Variants in CCDC70 observed in about 807,000 individuals in gnomAD.
CCDC70 encodes coiled-coil domain-containing protein 70.
CCDC70 carries 4 observed loss-of-function variants against 9.1 expected under a neutral mutation model. The ratio of observed to expected loss-of-function variants is 0.44; its 90% CI spans 0.22 to 1.00. CCDC70 has a LOEUF of 1.00. Ranked by LOEUF, CCDC70 falls within the 50% of genes least tolerant of loss-of-function variation. The pLI, the probability that CCDC70 is intolerant of heterozygous loss-of-function variation, is 0.25. For synonymous variants in CCDC70, 119 were observed against 94.0 expected (o/e 1.27, Z -1.54); for missense variants, 308 against 271.3 (o/e 1.14, Z -0.95).
In CCDC70 at chr13:51,865,548, T is replaced by A. The variant is rs763817679; in HGVS notation, c.137T>A (p.Ile46Asn). The change falls in exon 2 of 2, where the codon ATT (isoleucine) becomes AAT (asparagine). Residue 46 changes from isoleucine to asparagine, a missense_variant. By Grantham distance (149) the Ile-to-Asn change is moderately radical (BLOSUM62 -3). Coordinates refer to ENST00000242819, the MANE Select transcript of CCDC70 (RefSeq NM_031290.4). ...EEKAFREEMK[I>N]FREKIEDFRE... ...AAGGCTTTTCGCGAAGAGATGAAAA[T>A]TTTTCGTGAAAAAATAGAGGACTTC... The A allele has an allele frequency of 3.1e-6, 5 of 1,614,022 alleles. 1 individual carries two copies. The South Asian group carries it at 5.5e-5, about 18-fold the overall frequency.
chr13:51,864,880 C>T (rs1345422565), intron 1 of CCDC70, among the ~76,000 whole-genome samples: 1 of 152,196 alleles, frequency 6.6e-6, no homozygotes, highest in Non-Finnish European at 1.5e-5. Context: ...AATACACTCT[C>T]CTCCTCCCCT....
At position 51,864,858 on chromosome 13, in the gene CCDC70, C is replaced by T. The variant is rs116174247; in HGVS notation, c.-80-474C>T. On this transcript the variant is annotated intron_variant, in intron 1 of 1. Coordinates refer to ENST00000242819, the MANE Select transcript of CCDC70 (RefSeq NM_031290.4). ...TTTAAACCACTTTTCCCAAAATAAA[C>T]TCCTCTCCTAAAATACACTCTCCTC... Among the ~76,000 whole-genome samples, 998 of 152,252 alleles carry T rather than the reference C, an allele frequency of 6.6e-3. 10 individuals carry two copies. The highest frequency in any genetic ancestry group is 0.022 in the African/African-American group (928 of 41,540).
At position 51,865,779 on chromosome 13, in the gene CCDC70, C is replaced by T. The variant is rs750119943; in HGVS notation, c.368C>T (p.Ala123Val). 2 of 1,614,012 alleles carry T rather than the reference C, an allele frequency of 1.2e-6. No individual in the cohort carries two copies. Among genetic ancestry groups the T allele is most frequent in the African/African-American group, 2.7e-5 (2 of 74,890 alleles). The change falls in exon 2 of 2, where the codon GCC (alanine) becomes GTC (valine). Residue 123 changes from alanine (A) to valine (V), a missense_variant. Coordinates refer to ENST00000242819, the MANE Select transcript of CCDC70 (RefSeq NM_031290.4). ...CGCACTTTCTGGAAGGAGGATAAGGCCTTCTGGAAAGAGGACAATGCCTTA... is the reference window on the plus strand; with the variant it reads ...CGCACTTTCTGGAAGGAGGATAAGGTCTTCTGGAAAGAGGACAATGCCTTA... ...KYRTFWKEDKAFWKEDNALWE... is the reference protein window; with the variant it reads ...KYRTFWKEDKVFWKEDNALWE...
Position 51,865,751 on chromosome 13 carries a change from T to C in CCDC70, c.340T>C (p.Tyr114His). 1 of 1,614,028 alleles carries C rather than the reference T, an allele frequency of 6.2e-7. No individual in the cohort carries two copies. Among genetic ancestry groups the C allele is most frequent in the East Asian group, 2.2e-5 (1 of 44,876 alleles). ...GGAAGAGAAAACTTTCTGGAAAAAG[T>C]ACCGCACTTTCTGGAAGGAGGATAA... ...REEEKTFWKK[Y>H]RTFWKEDKAF... Residue 114 changes from tyrosine to histidine, a missense_variant, in exon 2 of 2, where the codon TAC becomes CAC. By Grantham distance (83) the Tyr-to-His change is moderately conservative (BLOSUM62 2). Transcript: ENST00000242819.
intron 1 of CCDC70, among the ~76,000 whole-genome samples, chr13:51,863,072 AC>A (rs1262660383): frequency 4.6e-5 from 7 of 152,222 alleles, no homozygotes; most frequent in Admixed American, 4.6e-4. Context: ...GAAAGGATGT[AC>A]AGGAATTCAA....
At chr13:51,864,252 C>T (rs573715648) in intron 1 of CCDC70, among the ~76,000 whole-genome samples, 53 of 152,100 alleles carry the variant, frequency 3.5e-4, no homozygotes, top group African/African-American at 1.3e-3. Flanking sequence ...ACACATGAAA[C>T]CGCCACCAAG....
At chr13:51,862,756 G>A (rs1406015228) in intron 1 of CCDC70, among the ~76,000 whole-genome samples, 1 of 152,180 alleles carries the variant, frequency 6.6e-6, no homozygotes, top group African/African-American at 2.4e-5. Context: ...GAGGGGGCCA[G>A]CATGACATGG....
In CCDC70 at chr13:51,865,843, C is replaced by T; in HGVS notation, c.432C>T (p.Ala144=). 2 of 1,613,894 alleles carry T rather than the reference C, an allele frequency of 1.2e-6. No homozygotes were observed. Among genetic ancestry groups the T allele is most frequent in the Non-Finnish European group, 1.7e-6 (2 of 1,179,976 alleles). Reference sequence around the variant, plus strand: ...GGAACCTTCTTCAGGAGGACAAGGCCCTGTGGGAGGAAGAAAAGGCCCTGT... The same window carrying T: ...GGAACCTTCTTCAGGAGGACAAGGCTCTGTGGGAGGAAGAAAAGGCCCTGT... ...RDRNLLQEDK[A]LWEEEKALWV... The change falls in exon 2 of 2, where the codon GCC becomes GCT. Residue 144 remains alanine (A), a synonymous_variant. Transcript: ENST00000242819.
intron 1 of CCDC70, among the ~76,000 whole-genome samples, chr13:51,863,616 G>A (rs1956396949): frequency 6.6e-6 from 1 of 151,834 alleles, no homozygotes. Context: ...GATGGATGGT[G>A]ATGCCACCAG....
rs756394890 is a variant in CCDC70 at position 51,865,602 on chromosome 13, AG to A, written c.192del (p.Ile65SerfsTer90). The A allele has an allele frequency of 1.9e-6, 3 of 1,614,142 alleles. No individual in the cohort carries two copies. In the Admixed American group the frequency reaches 5.0e-5, roughly 27 times the overall value. ...GAAGAGATGTGGACTTTCCGAGGCA[AG>A]ATCCATGCTTTCCGGGGCCAGATCC... ...FREEMWTFRG[K>X]IHAFRGQILG... On this transcript the variant is annotated frameshift_variant, in exon 2 of 2. Coordinates refer to ENST00000242819, the MANE Select transcript of CCDC70 (RefSeq NM_031290.4). LOFTEE classifies it high-confidence loss of function.
Position 51,866,034 on chromosome 13 carries a change from C to G in CCDC70, c.623C>G (p.Ala208Gly), listed in dbSNP as rs956851394. The change falls in exon 2 of 2, where the codon GCC becomes GGC. Residue 208 changes from alanine (A) to glycine (G), a missense_variant. Coordinates refer to ENST00000242819, the MANE Select transcript of CCDC70 (RefSeq NM_031290.4). ...EQMLEDGPHN[A>G]NRGQRLLAFS... ...ATGCTCGAAGATGGGCCCCACAACG[C>G]CAACAGAGGGCAGCGCTTGCTGGCC... is the stretch of plus-strand genomic sequence containing the variant. The G allele has an allele frequency of 6.2e-7, 1 of 1,605,864 alleles. No individual in the cohort carries two copies. The highest frequency in any genetic ancestry group is 8.5e-7 in the Non-Finnish European group (1 of 1,176,884).
chr13:51,863,011 G>A (rs1005583018), intron 1 of CCDC70, among the ~76,000 whole-genome samples: 11 of 152,202 alleles, frequency 7.2e-5, no homozygotes, highest in African/African-American at 9.7e-5. Flanking sequence ...AGACAGTATC[G>A]CAGAGGTGGC....
At chr13:51,864,665 T>C (rs61957394) in intron 1 of CCDC70, among the ~76,000 whole-genome samples, 32 of 152,230 alleles carry the variant, frequency 2.1e-4, no homozygotes, top group Admixed American at 1.0e-3. Flanking sequence ...AACACACTTG[T>C]ACATGTATCC....
chr13:51,863,107 C>T (rs771449583), intron 1 of CCDC70, among the ~76,000 whole-genome samples: 2 of 152,232 alleles, frequency 1.3e-5, no homozygotes, highest in Non-Finnish European at 2.9e-5. Flanking sequence ...ACAAAAGGGG[C>T]TCTCAGTAGA....
At chr13:51,863,709 A>ACACACACC (rs35373499) in intron 1 of CCDC70, among the ~76,000 whole-genome samples, 9 of 64,866 alleles carry the variant, frequency 1.4e-4, no homozygotes, top group African/African-American at 4.3e-4. Flanking sequence ...ACACACACAC[A>ACACACACC]CCAGCTATGT....
Position 51,865,933 on chromosome 13 carries a change from G to C in CCDC70, c.522G>C (p.Trp174Cys). 6.2e-7 allele frequency: 1 copy of C among 1,614,050 alleles called. No homozygotes were observed. The highest frequency in any genetic ancestry group is 8.5e-7 in the Non-Finnish European group (1 of 1,180,010). Residue 174 changes from tryptophan (W) to cysteine (C), a missense_variant, in exon 2 of 2, where the codon TGG becomes TGC. Physicochemically the swap from Trp to Cys is radical, Grantham distance 215. Transcript: ENST00000242819. ...KALWEDKTSL[W>C]EEENALWEEE... is the part of the protein sequence containing the mutation. ...TGTGGGAAGATAAAACGTCCCTCTGGGAGGAAGAGAATGCCCTCTGGGAGG... is the reference window on the plus strand; with the variant it reads ...TGTGGGAAGATAAAACGTCCCTCTGCGAGGAAGAGAATGCCCTCTGGGAGG...
At position 51,865,765 on chromosome 13, in the gene CCDC70, G is replaced by A; in HGVS notation, c.354G>A (p.Trp118Ter). 6.2e-7 allele frequency: 1 copy of A among 1,614,182 alleles called. No individual in the cohort carries two copies. Among genetic ancestry groups the A allele is most frequent in the Non-Finnish European group, 8.5e-7 (1 of 1,180,028 alleles). The change falls in exon 2 of 2, where the codon TGG becomes TGA. Residue 118 changes from tryptophan (W) to a stop codon, truncating the protein, a stop_gained. Coordinates refer to ENST00000242819, the MANE Select transcript of CCDC70 (RefSeq NM_031290.4). LOFTEE classifies it low-confidence loss of function (END_TRUNC). ...TCTGGAAAAAGTACCGCACTTTCTG[G>A]AAGGAGGATAAGGCCTTCTGGAAAG... ...KTFWKKYRTF[W>*]KEDKAFWKED...
intron 1 of CCDC70, among the ~76,000 whole-genome samples, chr13:51,863,900 G>A (rs150390481): frequency 3.1e-4 from 47 of 152,310 alleles, no homozygotes; most frequent in African/African-American, 1.1e-3. Flanking sequence ...GTCAGCATGT[G>A]CCTGCACTCC....
At chr13:51,864,677 A>C (rs900209127) in intron 1 of CCDC70, among the ~76,000 whole-genome samples, 1 of 152,194 alleles carries the variant, frequency 6.6e-6, no homozygotes, top group Non-Finnish European at 1.5e-5. Flanking sequence ...CATGTATCCT[A>C]GTCACAGTTC....
Sources: gnomAD v4.1 joint callset for allele counts (sites outside exome capture counted in the v4.1 genomes callset) on GRCh38, gnomAD v4.1.1 for gene constraint, MANE v1.5 for transcripts, NCBI Gene and HGNC (gene_info 2026-07-23, HGNC 2026-07-21) for gene names.